JMJD1C: variants seen among roughly 807,000 people sequenced by gnomAD.
JMJD1C encodes the protein jumonji domain containing 1C.
A neutral mutation model predicts 245.3 loss-of-function variants in JMJD1C; 31 were observed. The observed-to-expected ratio is 0.13, with a 90% CI of 0.09 to 0.17. The LOEUF is 0.17. JMJD1C is among the 10% of genes least tolerant of loss of function. The pLI is 1.00. For synonymous variants in JMJD1C, 1,057 were observed against 1,017.4 expected (o/e 1.04, Z -0.74); for missense variants, 2,691 against 3,000.2 (o/e 0.90, Z 2.41).
chr10:63,302,349 C>A (rs1202962269), intron 2 of JMJD1C, among the ~76,000 whole-genome samples: 3 of 152,180 alleles, frequency 2.0e-5, no homozygotes, highest in African/African-American at 7.2e-5. Flanking sequence ...ATGCATTCCA[C>A]AAGCTTTATA....
chr10:63,366,420 T>C (rs927672689), intron 2 of JMJD1C, among the ~76,000 whole-genome samples: 17 of 152,206 alleles, frequency 1.1e-4, no homozygotes, highest in Non-Finnish European at 2.1e-4. Flanking sequence ...TTAATGTGTA[T>C]CATTTCTACG....
chr10:63,264,616 C>A, intron 3 of JMJD1C, 35 bp downstream of exon 3: 3 of 884,368 alleles, frequency 3.4e-6, no homozygotes, highest in South Asian at 3.1e-5. Flanking sequence ...GTTTAATTAA[C>A]CTTTAATTTT....
At chr10:63,448,558 C>T (rs960929464) in intron 1 of JMJD1C, among the ~76,000 whole-genome samples, 2 of 152,132 alleles carry the variant, frequency 1.3e-5, no homozygotes. Flanking sequence ...TTCCTCAACC[C>T]TATCAATGTT....
intron 16 of JMJD1C, among the ~76,000 whole-genome samples, chr10:63,191,688 A>G (rs187542980): frequency 6.6e-6 from 1 of 152,252 alleles, no homozygotes; most frequent in East Asian, 1.9e-4. Context: ...AGACAGGTAG[A>G]AAATACAGGT....
At chr10:63,317,711 G>A (rs981420366) in intron 2 of JMJD1C, among the ~76,000 whole-genome samples, 17 of 152,118 alleles carry the variant, frequency 1.1e-4, no homozygotes, top group Admixed American at 1.0e-3. Flanking sequence ...TGCCAATGGT[G>A]CATACATAAA....
Position 63,207,469 on chromosome 10 carries a change from T to A in JMJD1C, c.4200A>T (p.Thr1400=), listed in dbSNP as rs1846772646. Residue 1400 remains threonine (T), a synonymous_variant, in exon 10 of 26, where the codon ACA becomes ACT. Transcript: ENST00000399262. The part of the protein sequence containing the change: ...TMCNTKTDVI[T]SAADTTSVSS... Reference sequence around the variant, plus strand: ...AAACACTGGTAGTATCGGCAGCAGATGTGATTACATCCGTTTTGGTATTAC... The same window carrying A: ...AAACACTGGTAGTATCGGCAGCAGAAGTGATTACATCCGTTTTGGTATTAC... The A allele has an allele frequency of 6.2e-7, 1 of 1,614,214 alleles. No individual in the cohort carries two copies. Among genetic ancestry groups the A allele is most frequent in the Non-Finnish European group, 8.5e-7 (1 of 1,180,028 alleles).
At chr10:63,433,155 G>A (rs971569776) in intron 1 of JMJD1C, among the ~76,000 whole-genome samples, 2 of 151,350 alleles carry the variant, frequency 1.3e-5, no homozygotes, top group East Asian at 1.9e-4. Flanking sequence ...GCAATGCCGC[G>A]ATCTGGGCTC....
At chr10:63,401,155 G>A (rs991403395) in intron 1 of JMJD1C, among the ~76,000 whole-genome samples, 1 of 152,062 alleles carries the variant, frequency 6.6e-6, no homozygotes, top group Non-Finnish European at 1.5e-5. Flanking sequence ...CACTGCACCC[G>A]GCCTCGTTTC....
intron 2 of JMJD1C, among the ~76,000 whole-genome samples, chr10:63,368,191 T>C (rs1011209674): frequency 6.6e-6 from 1 of 152,222 alleles, no homozygotes; most frequent in Non-Finnish European, 1.5e-5. Context: ...ACTAGTTTAC[T>C]ATTGGGCATT....
At chr10:63,213,385 G>A in intron 8 of JMJD1C, 88 bp downstream of exon 8, 1 of 807,352 alleles carries the variant, frequency 1.2e-6, no homozygotes, top group Non-Finnish European at 2.0e-6. Flanking sequence ...AATAGGAAAT[G>A]ACCTAAAAAA....
intron 1 of JMJD1C, among the ~76,000 whole-genome samples, chr10:63,516,941 GAGAGA>G (rs1955035317): frequency 6.6e-6 from 1 of 152,128 alleles, no homozygotes; most frequent in African/African-American, 2.4e-5. Context: ...GCGACTGCCT[GAGAGA>G]AAAGAGGTAT....
At chr10:63,417,785 T>G (rs1260235084) in intron 1 of JMJD1C, among the ~76,000 whole-genome samples, 1 of 152,116 alleles carries the variant, frequency 6.6e-6, no homozygotes, top group Admixed American at 6.6e-5. Flanking sequence ...ATTAAGAAAG[T>G]TAGGTCCTAA....
At chr10:63,392,897 C>CACACACACACAA (rs1258300322) in intron 1 of JMJD1C, among the ~76,000 whole-genome samples, 4 of 149,198 alleles carry the variant, frequency 2.7e-5, no homozygotes, top group African/African-American at 9.9e-5. Context: ...CACACACACA[C>CACACACACACAA]ACACACACAC....
At chr10:63,311,357 C>A (rs574777455) in intron 2 of JMJD1C, among the ~76,000 whole-genome samples, 1 of 152,176 alleles carries the variant, frequency 6.6e-6, no homozygotes, top group East Asian at 1.9e-4. Flanking sequence ...CCATCCTGGG[C>A]AACAGAGTGA....
intron 2 of JMJD1C, among the ~76,000 whole-genome samples, chr10:63,280,586 C>T (rs1227444632): frequency 2.0e-5 from 3 of 152,040 alleles, no homozygotes; most frequent in East Asian, 1.9e-4. Context: ...TTTGTCAAGT[C>T]GTCACTATAA....
intron 2 of JMJD1C, among the ~76,000 whole-genome samples, chr10:63,331,326 T>C (rs1255180422): frequency 6.6e-6 from 1 of 152,186 alleles, no homozygotes; most frequent in African/African-American, 2.4e-5. Flanking sequence ...TACTTACTTT[T>C]TTCCTATCAA....
chr10:63,474,517 G>A (rs1953597459), intron 1 of JMJD1C, among the ~76,000 whole-genome samples: 1 of 151,764 alleles, frequency 6.6e-6, no homozygotes, highest in Non-Finnish European at 1.5e-5. Context: ...TACAATCATG[G>A]CTCACTGCAG....
At chr10:63,329,119 A>C (rs1941851227) in intron 2 of JMJD1C, among the ~76,000 whole-genome samples, 1 of 152,040 alleles carries the variant, frequency 6.6e-6, no homozygotes, top group South Asian at 2.1e-4. Context: ...CCGTTTCTAC[A>C]AAAAATACAA....
intron 3 of JMJD1C, among the ~76,000 whole-genome samples, chr10:63,228,433 C>T (rs1849565725): frequency 6.6e-6 from 1 of 152,066 alleles, no homozygotes; most frequent in African/African-American, 2.4e-5. Context: ...GGGAGGATCC[C>T]TTATGCCCAG....
Sources: allele counts gnomAD v4.1 joint callset (sites outside exome capture counted in the v4.1 genomes callset), GRCh38; gene constraint gnomAD v4.1.1; transcripts MANE v1.5; gene names NCBI Gene and HGNC (gene_info 2026-07-23, HGNC 2026-07-21).